Variants in EXOC6B observed in about 807,000 individuals in gnomAD.
The protein encoded by EXOC6B is SEC15 homolog B.
In EXOC6B, 54 loss-of-function variants were observed where a neutral mutation model predicts 113.5. The ratio of observed to expected loss-of-function variants is 0.48; its 90% CI spans 0.38 to 0.60. EXOC6B has a LOEUF of 0.60. EXOC6B is among the 20% of genes least tolerant of loss of function. The pLI is 0.00. For synonymous variants in EXOC6B, 357 were observed against 339.0 expected, an observed-to-expected ratio of 1.05 and a Z score of -0.58; for missense variants, 797 against 977.5, an observed-to-expected ratio of 0.82 and a Z score of 2.46.
chr2:72,374,824 C>A (rs910449411), intron 19 of EXOC6B, among the ~76,000 whole-genome samples: 1 of 149,038 alleles, frequency 6.7e-6, no homozygotes, highest in Non-Finnish European at 1.5e-5. Flanking sequence ...TAGATACCTA[C>A]AAAATTTAAA....
At chr2:72,781,521 A>G (rs541917318) in intron 1 of EXOC6B, among the ~76,000 whole-genome samples, 2 of 152,326 alleles carry the variant, frequency 1.3e-5, no homozygotes, top group South Asian at 4.1e-4. Context: ...GGCATCTATC[A>G]CAACAATTCA....
At chr2:72,239,435 A>G (rs1341553168) in intron 20 of EXOC6B, among the ~76,000 whole-genome samples, 4 of 152,188 alleles carry the variant, frequency 2.6e-5, no homozygotes, top group African/African-American at 9.6e-5. Context: ...GGAAAAGACT[A>G]TTCTTTCCCT....
At chr2:72,356,072 A>C (rs184021219) in intron 19 of EXOC6B, among the ~76,000 whole-genome samples, 315 of 152,328 alleles carry the variant, frequency 2.1e-3, no homozygotes, top group Non-Finnish European at 2.9e-3. Flanking sequence ...AATGTTTTAT[A>C]AGAATTCCTT....
intron 6 of EXOC6B, among the ~76,000 whole-genome samples, chr2:72,613,049 G>A (rs548937719): frequency 2.2e-4 from 34 of 152,174 alleles, no homozygotes; most frequent in South Asian, 1.5e-3. Flanking sequence ...TTATAAGGGC[G>A]TAAAAAGTCT....
At chr2:72,780,319 C>T (rs1683949577) in intron 1 of EXOC6B, among the ~76,000 whole-genome samples, 1 of 152,016 alleles carries the variant, frequency 6.6e-6, no homozygotes, top group African/African-American at 2.4e-5. Flanking sequence ...AAAATCAAAA[C>T]AAGAAATCAT....
chr2:72,374,781 T>C (rs1332248731), intron 19 of EXOC6B, among the ~76,000 whole-genome samples: 1 of 150,222 alleles, frequency 6.7e-6, no homozygotes, highest in Non-Finnish European at 1.5e-5. Context: ...TGAATCAAAA[T>C]ATCTCATGTA....
intron 18 of EXOC6B, among the ~76,000 whole-genome samples, chr2:72,453,415 A>C (rs1257893741): frequency 6.6e-6 from 1 of 152,146 alleles, no homozygotes; most frequent in Non-Finnish European, 1.5e-5. Context: ...GCCAACAACA[A>C]TTTTGAAGAA....
intron 1 of EXOC6B, among the ~76,000 whole-genome samples, chr2:72,764,364 C>CTTTTTTT (rs397869115): frequency 2.1e-4 from 14 of 66,812 alleles, no homozygotes; most frequent in African/African-American, 3.6e-4. Context: ...TATTTTCTCT[C>CTTTTTTT]TTTTTTTTTT....
At chr2:72,472,049 T>TC (rs1364438317) in intron 17 of EXOC6B, among the ~76,000 whole-genome samples, 1 of 151,998 alleles carries the variant, frequency 6.6e-6, no homozygotes, top group Non-Finnish European at 1.5e-5. Context: ...TACTAAACCA[T>TC]CCTTGCACTC....
intron 1 of EXOC6B, among the ~76,000 whole-genome samples, chr2:72,778,341 C>A (rs777992327): frequency 6.6e-6 from 1 of 151,882 alleles, no homozygotes; most frequent in African/African-American, 2.4e-5. Context: ...CTGAACAAAC[C>A]AAAGGAGAGC....
chr2:72,553,757 T>C (rs2103640796), intron 8 of EXOC6B, among the ~76,000 whole-genome samples: 1 of 152,220 alleles, frequency 6.6e-6, no homozygotes, highest in Non-Finnish European at 1.5e-5. Flanking sequence ...ATGCATATTA[T>C]AAAAACACTA....
chr2:72,192,105 T>C (rs751655497), intron 20 of EXOC6B, among the ~76,000 whole-genome samples: 1 of 152,178 alleles, frequency 6.6e-6, no homozygotes, highest in Non-Finnish European at 1.5e-5. Flanking sequence ...CCTACCTTCG[T>C]TGCCAATTCT....
chr2:72,307,430 G>A (rs918429175), intron 20 of EXOC6B, among the ~76,000 whole-genome samples: 1 of 152,090 alleles, frequency 6.6e-6, no homozygotes, highest in South Asian at 2.1e-4. Context: ...ACAGGCATGG[G>A]TATAGTCCAA....
chr2:72,710,390 G>C (rs1288606630), intron 6 of EXOC6B, among the ~76,000 whole-genome samples: 1 of 151,774 alleles, frequency 6.6e-6, no homozygotes, highest in Non-Finnish European at 1.5e-5. Context: ...AGAAGCATAT[G>C]TAATACAAGT....
chr2:72,715,988 G>A (rs1443225295), intron 6 of EXOC6B, among the ~76,000 whole-genome samples: 1 of 152,188 alleles, frequency 6.6e-6, no homozygotes, highest in Non-Finnish European at 1.5e-5. Context: ...AAGGTAGACT[G>A]TGCCAGATAC....
intron 8 of EXOC6B, among the ~76,000 whole-genome samples, chr2:72,518,407 A>T (rs970275899): frequency 3.9e-5 from 6 of 151,924 alleles, no homozygotes; most frequent in African/African-American, 1.5e-4. Flanking sequence ...GTACTTACTG[A>T]ATTTATAGAC....
intron 1 of EXOC6B, among the ~76,000 whole-genome samples, chr2:72,776,017 T>C (rs967746316): frequency 2.0e-5 from 3 of 152,270 alleles, no homozygotes; most frequent in Non-Finnish European, 1.5e-5. Context: ...AAGTAAAGGG[T>C]ACATGGAGTC....
At chr2:72,181,026 G>A (rs1003545392) in intron 21 of EXOC6B, among the ~76,000 whole-genome samples, 3 of 151,960 alleles carry the variant, frequency 2.0e-5, no homozygotes, top group Non-Finnish European at 4.4e-5. Flanking sequence ...TGACTAACAC[G>A]GTGAAACCCC....
chr2:72,609,311 T>C (rs1670927971), intron 6 of EXOC6B, among the ~76,000 whole-genome samples: 1 of 151,834 alleles, frequency 6.6e-6, no homozygotes. Context: ...ATAACTACTG[T>C]AAATGTGTAA....
Sources: gnomAD v4.1 joint callset for allele counts (sites outside exome capture counted in the v4.1 genomes callset) on GRCh38, gnomAD v4.1.1 for gene constraint, MANE v1.5 for transcripts, NCBI Gene and HGNC (gene_info 2026-07-23, HGNC 2026-07-21) for gene names.